The following CLEC17A variants were observed in gnomAD, a reference collection of about 807,000 sequenced individuals.
CLEC17A encodes C-type lectin domain containing 17A, also known as C-type lectin domain family 17, member A.
In CLEC17A, 37 loss-of-function variants were observed where a neutral mutation model predicts 61.3. The ratio of observed to expected loss-of-function variants is 0.60; its 90% CI spans 0.46 to 0.79. The LOEUF (loss-of-function observed/expected upper bound fraction) is 0.79. Ranked by LOEUF, CLEC17A falls within the 30% of genes least tolerant of loss-of-function variation. The pLI, the probability that CLEC17A is intolerant of heterozygous loss-of-function variation, is 0.00. For synonymous variants in CLEC17A, 168 were observed against 164.9 expected, an observed-to-expected ratio of 1.02 and a Z score of -0.14; for missense variants, 418 against 464.7, an observed-to-expected ratio of 0.90 and a Z score of 0.92.
intron 2 of CLEC17A, among the ~76,000 whole-genome samples, chr19:14,583,702 C>T (rs2074220501): frequency 6.6e-6 from 1 of 151,594 alleles, no homozygotes. Context: ...GAGGAAGGGA[C>T]TTTGGGGTGG....
chr19:14,600,123 C>A lies in CLEC17A; in HGVS notation c.835C>A (p.Arg279=). Reference sequence around the variant, plus strand: ...AAGCACCAAGTCATGGGATGAGGCCCGGATGTTCTGCCAGGAGAATTACTC... The same window carrying A: ...AAGCACCAAGTCATGGGATGAGGCCAGGATGTTCTGCCAGGAGAATTACTC... ...SPSTKSWDEA[R]MFCQENYSHL... Residue 279 remains arginine, a synonymous_variant, in exon 12 of 14, where the codon CGG becomes AGG. Coordinates refer to ENST00000417570, the MANE Select transcript of CLEC17A (RefSeq NM_001204118.2). 6.2e-7 allele frequency: 1 copy of A among 1,613,976 alleles called. No homozygotes were observed. The highest frequency in any genetic ancestry group is 1.1e-5 in the South Asian group (1 of 91,084).
chr19:14,598,707 T>A (rs1395950429), intron 10 of CLEC17A, among the ~76,000 whole-genome samples: 1 of 152,102 alleles, frequency 6.6e-6, no homozygotes, highest in Non-Finnish European at 1.5e-5. Context: ...ACTCCTGACC[T>A]CAGGTGACCC....
Position 14,587,400 on chromosome 19 carries a change from C to T in CLEC17A, c.122-214C>T, listed in dbSNP as rs141744352. ...GACCTGGCTACCCCTTGTCATGTTC[C>T]TGGTGTTAGCGGTAGCCATGCACAA... On this transcript the variant is annotated intron_variant, in intron 2 of 13. Coordinates refer to ENST00000417570, the MANE Select transcript of CLEC17A (RefSeq NM_001204118.2). 6.2e-4 allele frequency among the ~76,000 whole-genome samples: 94 copies of T among 152,254 alleles called. 1 individual carries two copies. Among genetic ancestry groups the T allele is most frequent in the African/African-American group, 2.1e-3 (87 of 41,528 alleles).
intron 4 of CLEC17A, among the ~76,000 whole-genome samples, chr19:14,594,208 C>T (rs145541651): frequency 0.019 from 2,836 of 151,762 alleles, 83 homozygotes; most frequent in African/African-American, 0.065. Context: ...ACCCAGGGGG[C>T]GGAGGTTTCA....
rs144649475 is a variant in CLEC17A, at chr19:14,596,752, C to T, written c.446-124C>T. 1.0e-2 allele frequency: 11,527 copies of T among 1,152,784 alleles called. 86 individuals carry two copies. Among genetic ancestry groups the T allele is most frequent in the Non-Finnish European group, 0.013 (10,590 of 829,132 alleles). The allele number at this position is 1,152,784 out of a possible 1,614,324, so 71.4% of individuals were successfully genotyped here. A position where few individuals can be genotyped will look rare whatever the true frequency, so the allele number is the denominator to read the frequency against. ...CTCCCTAACCCTCTCTTGCTGACTT[C>T]ATCTGCTGAAACAGTCATGACTACA... On this transcript the variant is annotated intron_variant, in intron 8 of 13. Coordinates refer to ENST00000417570, the MANE Select transcript of CLEC17A (RefSeq NM_001204118.2).
intron 3 of CLEC17A, chr19:14,588,801 G>C (rs2146676001): frequency 6.6e-6 from 1 of 152,166 alleles, no homozygotes; most frequent in South Asian, 2.1e-4. Context: ...GGTGACCTTA[G>C]ACAGGGGCCA....
rs955417794 is a variant in CLEC17A, at chr19:14,587,614, G to T, written c.122G>T (p.Gly41Val). Reference protein sequence around the residue: ...PPYKDLPPKPGTMEEEEEDDD... With the variant: ...PPYKDLPPKPVTMEEEEEDDD... ...CTCTGACTTGCCTTTCCCCTGGAAG[G>T]GACCATGGAGGAGGAGGAGGAGGAT... Residue 41 changes from glycine to valine, a missense_variant and splice_region_variant, in exon 3 of 14, where the codon GGG (glycine) becomes GTG (valine). Coordinates refer to ENST00000417570, the MANE Select transcript of CLEC17A (RefSeq NM_001204118.2). The T allele has an allele frequency of 6.3e-7, 1 of 1,592,966 alleles. No homozygotes were observed. Among genetic ancestry groups the T allele is most frequent in the Non-Finnish European group, 8.5e-7 (1 of 1,169,974 alleles).
chr19:14,585,937 GT>G (rs1388411526), intron 2 of CLEC17A, among the ~76,000 whole-genome samples: 2 of 151,262 alleles, frequency 1.3e-5, no homozygotes, highest in Admixed American at 6.6e-5. Flanking sequence ...ACCATGGAAT[GT>G]GGGGGAATAC....
intron 12 of CLEC17A, among the ~76,000 whole-genome samples, chr19:14,606,098 G>A (rs530469348): frequency 6.7e-4 from 102 of 152,000 alleles, no homozygotes; most frequent in Admixed American, 1.2e-3. Flanking sequence ...TTCTTTTCCT[G>A]GAACAATGAA....
intron 12 of CLEC17A, 100 bp from the exon 13 acceptor site, chr19:14,606,893 C>A: frequency 2.2e-6 from 1 of 451,398 alleles, no homozygotes; most frequent in Non-Finnish European, 3.6e-6. Context: ...TGGGAGGTGA[C>A]GTTCCCAAGC....
intron 11 of CLEC17A, 43 bp downstream of exon 11, chr19:14,599,855 C>A: frequency 1.3e-6 from 2 of 1,553,214 alleles, no homozygotes; most frequent in Non-Finnish European, 1.8e-6. Flanking sequence ...GGGGGCATGG[C>A]AGAGCTGGCA....
chr19:14,608,250 T>C (rs148944000), intron 13 of CLEC17A, among the ~76,000 whole-genome samples: 1 of 152,346 alleles, frequency 6.6e-6, no homozygotes, highest in East Asian at 1.9e-4. Flanking sequence ...AGAATCCTTC[T>C]GCTGCCCCTT....
chr19:14,599,453 C>T (rs35999166), intron 10 of CLEC17A, among the ~76,000 whole-genome samples: 16,799 of 152,106 alleles, frequency 0.11, 1,045 homozygotes, highest in African/African-American at 0.16. Context: ...GTTATCGAAT[C>T]ACTTTCTTCC....
chr19:14,583,225 G>T (rs1168558396), intron 1 of CLEC17A, 22 bp downstream of exon 1: 1 of 1,613,704 alleles, frequency 6.2e-7, no homozygotes, highest in South Asian at 1.1e-5. Context: ...GCCAGGCTGG[G>T]GCTGGGGCCT....
At chr19:14,595,478 T>TG (rs1201550257) in intron 8 of CLEC17A, among the ~76,000 whole-genome samples, 163 bp downstream of exon 8, 4 of 152,230 alleles carry the variant, frequency 2.6e-5, no homozygotes, top group African/African-American at 9.6e-5. Context: ...CTGCTCTAAG[T>TG]GAGAAAGCCA....
At chr19:14,588,839 C>G (rs1568447452) in intron 3 of CLEC17A, among the ~76,000 whole-genome samples, 1 of 151,914 alleles carries the variant, frequency 6.6e-6, no homozygotes, top group Admixed American at 6.6e-5. Flanking sequence ...CTGTATATCC[C>G]CCATCTCTGA....
intron 7 of CLEC17A, 89 bp from the exon 8 acceptor site, chr19:14,595,185 C>T: frequency 6.7e-7 from 1 of 1,483,280 alleles, no homozygotes; most frequent in Non-Finnish European, 9.4e-7. Flanking sequence ...CCCCTAAATT[C>T]TGACCAGAGA....
At chr19:14,602,336 C>A (rs2074740427) in intron 12 of CLEC17A, among the ~76,000 whole-genome samples, 1 of 152,154 alleles carries the variant, frequency 6.6e-6, no homozygotes, top group African/African-American at 2.4e-5. Context: ...GTCACCCAGG[C>A]TGGAGTGCAG....
At chr19:14,590,509 C>A (rs1298574904) in intron 3 of CLEC17A, among the ~76,000 whole-genome samples, 2 of 151,814 alleles carry the variant, frequency 1.3e-5, no homozygotes, top group Non-Finnish European at 2.9e-5. Context: ...CTGACTCAGT[C>A]TCCCTGGCAG....
Sources: allele counts gnomAD v4.1 joint callset (sites outside exome capture counted in the v4.1 genomes callset), GRCh38; gene constraint gnomAD v4.1.1; transcripts MANE v1.5; gene names NCBI Gene and HGNC (gene_info 2026-07-23, HGNC 2026-07-21).